Variants in ANKMY2 observed in about 807,000 individuals in gnomAD.
The protein encoded by ANKMY2 is ankyrin repeat and MYND domain containing 2, also known as ankyrin repeat and MYND domain-containing protein 2.
Under a neutral mutation model 50.4 loss-of-function variants are expected in ANKMY2, and 36 were observed. The ratio of observed to expected loss-of-function variants is 0.71; its 90% CI spans 0.55 to 0.94. The LOEUF (loss-of-function observed/expected upper bound fraction) is 0.94, where lower values mean the gene tolerates loss of function less well. Among genes scored for constraint, ANKMY2 ranks in the 40% least tolerant of loss-of-function variants. The pLI is 0.00. For synonymous variants in ANKMY2, 187 were observed against 178.8 expected (o/e 1.05, Z -0.36); for missense variants, 565 against 524.0 (o/e 1.08, Z -0.76).
At chr7:16,632,481 T>C (rs1315622945) in intron 2 of ANKMY2, among the ~76,000 whole-genome samples, 2 of 152,230 alleles carry the variant, frequency 1.3e-5, no homozygotes, top group Admixed American at 6.5e-5. Flanking sequence ...ATTTTTGGTA[T>C]TTTGTATAAA....
Position 16,604,756 on chromosome 7 carries a change from T to G in ANKMY2, c.976A>C (p.Lys326Gln). ...DVEFCTTCGEKGASKRCSVCK... is the reference protein window; with the variant it reads ...DVEFCTTCGEQGASKRCSVCK... ...ACTGAACATCTTTTACTTGCTCCCTTTTCTCCACAGGTAGTGCAAAATTCC... is the reference window on the plus strand; with the variant it reads ...ACTGAACATCTTTTACTTGCTCCCTGTTCTCCACAGGTAGTGCAAAATTCC... Residue 326 changes from lysine (K) to glutamine (Q), a missense_variant, in exon 8 of 10, where the codon AAG becomes CAG. Physicochemically the swap from Lys to Gln is moderately conservative, Grantham distance 53. Coordinates refer to ENST00000306999, the MANE Select transcript of ANKMY2 (RefSeq NM_020319.3). 1 of 1,613,994 alleles carries G rather than the reference T, an allele frequency of 6.2e-7. No individual in the cohort carries two copies. Among genetic ancestry groups the G allele is most frequent in the Non-Finnish European group, 8.5e-7 (1 of 1,179,918 alleles).
intron 4 of ANKMY2, among the ~76,000 whole-genome samples, chr7:16,618,200 A>C (rs1481861250): frequency 6.6e-6 from 1 of 152,118 alleles, no homozygotes; most frequent in African/African-American, 2.4e-5. Context: ...TGCTGGGATT[A>C]CAGGCGTGAG....
At chr7:16,612,080 G>C (rs142513766) in intron 5 of ANKMY2, among the ~76,000 whole-genome samples, 69 of 152,276 alleles carry the variant, frequency 4.5e-4, no homozygotes, top group Non-Finnish European at 9.4e-4. Flanking sequence ...GGAGCACAAA[G>C]ACCACAACAA....
intron 4 of ANKMY2, among the ~76,000 whole-genome samples, chr7:16,621,254 A>T (rs1441700352): frequency 6.6e-6 from 1 of 152,210 alleles, no homozygotes; most frequent in African/African-American, 2.4e-5. Context: ...ATAAATTTTG[A>T]AAGAAAGGAT....
intron 4 of ANKMY2, among the ~76,000 whole-genome samples, chr7:16,621,634 A>C (rs555789021): frequency 2.0e-5 from 3 of 152,314 alleles, no homozygotes; most frequent in African/African-American, 7.2e-5. Flanking sequence ...ACTTTTAGCA[A>C]AACAAGAAAC....
intron 1 of ANKMY2, among the ~76,000 whole-genome samples, chr7:16,641,171 T>G (rs878966557): frequency 3.9e-5 from 6 of 151,962 alleles, no homozygotes; most frequent in Admixed American, 3.9e-4. Context: ...GAGGCAGAGG[T>G]TGCAGTGAGC....
intron 1 of ANKMY2, among the ~76,000 whole-genome samples, chr7:16,637,421 A>C (rs1781678639): frequency 6.6e-6 from 1 of 152,206 alleles, no homozygotes; most frequent in Non-Finnish European, 1.5e-5. Flanking sequence ...CTTCTTAAGC[A>C]AGTCACCTGA....
chr7:16,610,637 T>C lies in ANKMY2; in HGVS notation c.658A>G (p.Met220Val), dbSNP rs780577831. Residue 220 changes from methionine (M) to valine (V), a missense_variant, in exon 6 of 10, where the codon ATG (methionine) becomes GTG (valine). By Grantham distance (21) the Met-to-Val change is conservative. Transcript: ENST00000306999. ...KQRDMNEVLA[M>V]KMHYISCIFQ... Reference sequence around the variant, plus strand: ...ATACAGCTTATGTAATGCATCTTCATAGCCAATACTTCATTCATGTCTCTT... The same window carrying C: ...ATACAGCTTATGTAATGCATCTTCACAGCCAATACTTCATTCATGTCTCTT... 3 of 1,614,044 alleles carry C rather than the reference T, an allele frequency of 1.9e-6. No homozygotes were observed. Among genetic ancestry groups the C allele is most frequent in the Non-Finnish European group, 2.5e-6 (3 of 1,179,928 alleles).
chr7:16,643,694 T>C (rs998129677), intron 1 of ANKMY2, among the ~76,000 whole-genome samples: 10 of 151,892 alleles, frequency 6.6e-5, no homozygotes, highest in South Asian at 2.1e-4. Context: ...ACTCAATTTA[T>C]AAAACTGCTC....
At position 16,617,549 on chromosome 7, in the gene ANKMY2, A is replaced by G. The variant is rs78790744; in HGVS notation, c.371-1645T>C. 9.4e-3 allele frequency among the ~76,000 whole-genome samples: 1,438 copies of G among 152,308 alleles called. 74 individuals are homozygous for G. The East Asian group carries it at 0.13, about 14-fold the overall frequency. On this transcript the variant is annotated intron_variant, in intron 4 of 9. Transcript: ENST00000306999. ...ACAACTACAGCTAATAAATGCACTT[A>G]AGCAGATTCAATTATAATATATAAA...
rs753176721 is a variant in ANKMY2, at chr7:16,615,812, T to C, written c.463A>G (p.Lys155Glu). ...GGGCCTGCCAACTTTGGGGGCAGTT[T>C]TGGCTCTTTATCCAGTCCCTGGGGC... ...TKPQGLDKEP[K>E]LPPKLAGPLH... Residue 155 changes from lysine (K) to glutamate (E), a missense_variant, in exon 5 of 10, where the codon AAA becomes GAA. Physicochemically the swap from Lys to Glu is moderately conservative, Grantham distance 56 (BLOSUM62 1). Coordinates refer to ENST00000306999, the MANE Select transcript of ANKMY2 (RefSeq NM_020319.3). The C allele has an allele frequency of 1.9e-6, 3 of 1,614,228 alleles. No individual in the cohort carries two copies. Among genetic ancestry groups the C allele is most frequent in the Admixed American group, 1.7e-5 (1 of 60,024 alleles).
In ANKMY2 at chr7:16,622,895, CAT is replaced by C. The variant is rs1781460852; in HGVS notation, c.370+2086_370+2087del. On this transcript the variant is annotated intron_variant, in intron 4 of 9. Coordinates refer to ENST00000306999, the MANE Select transcript of ANKMY2 (RefSeq NM_020319.3). ...AATATTCAAGTACTAACTTGTAAAA[CAT>C]AGAAAATCAAGGATGATTATTACAT... Among the ~76,000 whole-genome samples, 3 of 152,086 alleles carry C rather than the reference CAT, an allele frequency of 2.0e-5. No individual in the cohort carries two copies. In the South Asian group the frequency reaches 6.2e-4, roughly 32 times the overall value.
At chr7:16,616,180 G>T (rs575226500) in intron 4 of ANKMY2, among the ~76,000 whole-genome samples, 1 of 152,172 alleles carries the variant, frequency 6.6e-6, no homozygotes, top group Non-Finnish European at 1.5e-5. Flanking sequence ...TGCTCAACTT[G>T]TAAGAGACCT....
At chr7:16,626,867 C>G (rs1781513854) in intron 3 of ANKMY2, among the ~76,000 whole-genome samples, 173 bp downstream of exon 3, 1 of 152,204 alleles carries the variant, frequency 6.6e-6, no homozygotes. Context: ...ACCAAATTCA[C>G]TATATAATTT....
At chr7:16,628,954 C>T (rs1056965388) in intron 2 of ANKMY2, among the ~76,000 whole-genome samples, 10 of 135,338 alleles carry the variant, frequency 7.4e-5, no homozygotes, top group Non-Finnish European at 1.5e-4. Flanking sequence ...AAACAAAACA[C>T]AAAGCTTTCA....
intron 1 of ANKMY2, among the ~76,000 whole-genome samples, chr7:16,642,283 T>C (rs935384067): frequency 4.1e-4 from 63 of 152,200 alleles, no homozygotes; most frequent in African/African-American, 1.5e-3. Flanking sequence ...ATGAAAAAGG[T>C]ATCAAAGCTT....
chr7:16,640,433 A>G (rs1781728461), intron 1 of ANKMY2, among the ~76,000 whole-genome samples: 1 of 152,216 alleles, frequency 6.6e-6, no homozygotes, highest in South Asian at 2.1e-4. Flanking sequence ...AACAAACAGA[A>G]CAGGAGAAAC....
At chr7:16,638,806 T>C (rs1170330361) in intron 1 of ANKMY2, among the ~76,000 whole-genome samples, 1 of 152,148 alleles carries the variant, frequency 6.6e-6, no homozygotes, top group Non-Finnish European at 1.5e-5. Flanking sequence ...TTAGAAACTC[T>C]GTGTCAGGTA....
chr7:16,619,001 A>G (rs1253976960), intron 4 of ANKMY2, among the ~76,000 whole-genome samples: 1 of 152,246 alleles, frequency 6.6e-6, no homozygotes, highest in Non-Finnish European at 1.5e-5. Context: ...GGAGTCAGAG[A>G]AAAATAAGGA....
Sources: allele counts gnomAD v4.1 joint callset (sites outside exome capture counted in the v4.1 genomes callset), GRCh38; gene constraint gnomAD v4.1.1; transcripts MANE v1.5; gene names NCBI Gene and HGNC (gene_info 2026-07-23, HGNC 2026-07-21).